CHRNA1: variants seen among roughly 807,000 people sequenced by gnomAD.
CHRNA1 encodes the protein acetylcholine receptor subunit alpha.
In CHRNA1, 35 loss-of-function variants were observed where a neutral mutation model predicts 47.1. That is an observed-to-expected ratio of 0.74 (90% CI 0.57 to 0.99). CHRNA1 has a LOEUF of 0.99. Among genes scored for constraint, CHRNA1 ranks in the 50% least tolerant of loss-of-function variants. The pLI, the probability that CHRNA1 is intolerant of heterozygous loss-of-function variation, is 0.00. For synonymous variants in CHRNA1, 229 were observed against 223.6 expected (o/e 1.02, Z -0.22); for missense variants, 506 against 591.1 (o/e 0.86, Z 1.49).
intron 6 of CHRNA1, 107 bp from the exon 7 acceptor site, chr2:174,750,276 G>A (rs1385395765): frequency 9.6e-6 from 8 of 835,700 alleles, no homozygotes; most frequent in Non-Finnish European, 1.6e-5. Context: ...TGAGTCCTGG[G>A]ACCTAAGAAT....
intron 6 of CHRNA1, among the ~76,000 whole-genome samples, chr2:174,751,557 A>G (rs1036979354): frequency 2.0e-5 from 3 of 152,186 alleles, no homozygotes; most frequent in African/African-American, 7.2e-5. Context: ...AATACAAAAT[A>G]TTTGTCCACT....
In CHRNA1 at chr2:174,758,589, T is replaced by C. The variant is rs1290113870; in HGVS notation, c.234+742A>G. ...AGTTTAACTGGTAAGTATATGCAAA[T>C]ATTTCAAAATAAAAACCAAAATCTG... On this transcript the variant is annotated intron_variant, in intron 3 of 8. Transcript: ENST00000348749. Among the ~76,000 whole-genome samples, 3 of 151,974 alleles carry C rather than the reference T, an allele frequency of 2.0e-5. No individual in the cohort carries two copies. In the South Asian group the frequency reaches 6.3e-4, roughly 32 times the overall value.
In CHRNA1 at chr2:174,750,143, C is replaced by G. The variant is rs137852803; in HGVS notation, c.805G>C (p.Val269Leu). The G allele has an allele frequency of 4.4e-5, 71 of 1,608,632 alleles. No homozygotes were observed. The African/African-American group carries it at 7.9e-4, about 18-fold the overall frequency. ...SGEKMTLSIS[V>L]LLSLTVFLLV... ...AGGAACACAGTCAAAGACAGTAAGA[C>G]AGAGATGCTCAGAGTCATCTTCTCC... The change falls in exon 7 of 9, where the codon GTC becomes CTC. Residue 269 changes from valine to leucine, a missense_variant. Val to Leu is a conservative substitution (Grantham distance 32). Coordinates refer to ENST00000348749, the MANE Select transcript of CHRNA1 (RefSeq NM_000079.4).
At chr2:174,759,304 A>G (rs371913498) in intron 3 of CHRNA1, 27 bp downstream of exon 3, 11 of 1,612,474 alleles carry the variant, frequency 6.8e-6, no homozygotes, top group African/African-American at 1.3e-5. Context: ...TGAAAACGAC[A>G]CACATGCAAT....
chr2:174,749,319 T>C (rs962880669), intron 7 of CHRNA1, among the ~76,000 whole-genome samples: 1 of 152,010 alleles, frequency 6.6e-6, no homozygotes, highest in Non-Finnish European at 1.5e-5. Context: ...TACTCTCCTC[T>C]TAAAAGAGTA....
rs754957112 is a variant in CHRNA1 at position 174,763,328 on chromosome 2, G to GCACACACA, written c.43+1023_43+1024insTGTGTGTG. On this transcript the variant is annotated intron_variant, in intron 1 of 8. Transcript: ENST00000348749. Reference sequence around the variant, plus strand: ...CGTGCACGCATGTGTGTGCACGCGCGCGCACACACACACACACACACACAC... The same window carrying GCACACACA: ...CGTGCACGCATGTGTGTGCACGCGCGCACACACACGCACACACACACACACACACACAC... Among the ~76,000 whole-genome samples, 130 of 121,466 alleles carry GCACACACA rather than the reference G, an allele frequency of 1.1e-3. 2 individuals are homozygous for GCACACACA. In the Middle Eastern group the frequency reaches 0.012, roughly 12 times the overall value. The allele number at this position is 121,466 out of a possible 152,430, so 79.7% of individuals were successfully genotyped here.
At position 174,757,624 on chromosome 2, in the gene CHRNA1, T is replaced by C; in HGVS notation, c.286A>G (p.Lys96Glu). The C allele has an allele frequency of 6.2e-7, 1 of 1,614,192 alleles. No individual in the cohort carries two copies. The highest frequency in any genetic ancestry group is 8.5e-7 in the Non-Finnish European group (1 of 1,180,028). Residue 96 changes from lysine (K) to glutamate (E), a missense_variant, in exon 4 of 9, where the codon AAA (lysine) becomes GAA (glutamate). By Grantham distance (56) the Lys-to-Glu change is moderately conservative. Transcript: ENST00000348749. ...TTTTCTGAAGGAATGTGAATTTTTT[T>C]CACACCGCCATAGTCATCTGGATTC... Reference protein sequence around the residue: ...KWNPDDYGGVKKIHIPSEKIW... With the variant: ...KWNPDDYGGVEKIHIPSEKIW...
intron 4 of CHRNA1, among the ~76,000 whole-genome samples, chr2:174,756,761 A>G (rs948889002): frequency 6.6e-6 from 1 of 152,212 alleles, no homozygotes; most frequent in Admixed American, 6.5e-5. Flanking sequence ...TATCGTTTTC[A>G]TCCACTAGCC....
chr2:174,749,966 T>C lies in CHRNA1; in HGVS notation c.982A>G (p.Met328Val). The change falls in exon 7 of 9, where the codon ATG becomes GTG. Residue 328 changes from methionine (M) to valine (V), a missense_variant. By Grantham distance (21) the Met-to-Val change is conservative. Transcript: ENST00000348749. The stretch of plus-strand genomic sequence containing the variant: ...CTCACCTTCCGCACCCAGTTGGGCA[T>C]GACATGGGTGCTGGGTGAGCGGTGG... The part of the protein sequence containing the change: ...THHRSPSTHV[M>V]PNWVRKVFID... 1 of 1,614,100 alleles carries C rather than the reference T, an allele frequency of 6.2e-7. No homozygotes were observed. Among genetic ancestry groups the C allele is most frequent in the Non-Finnish European group, 8.5e-7 (1 of 1,179,996 alleles).
Position 174,748,071 on chromosome 2 carries a change from C to T in CHRNA1, c.*53G>A, listed in dbSNP as rs2105343627. On this transcript the variant is annotated 3_prime_UTR_variant, in exon 9 of 9. Coordinates refer to ENST00000348749, the MANE Select transcript of CHRNA1 (RefSeq NM_000079.4). ...AGTAGACAAATCTTCCTCTCCTGCC[C>T]TTCTCTGCTCTGGTAGGTTCCAGGG... The T allele has an allele frequency of 6.2e-7, 1 of 1,610,960 alleles. No homozygotes were observed. Among genetic ancestry groups the T allele is most frequent in the Admixed American group, 1.7e-5 (1 of 59,994 alleles).
In CHRNA1 at chr2:174,749,973, G is replaced by T; in HGVS notation, c.975C>A (p.Thr325=). 1.2e-6 allele frequency: 2 copies of T among 1,614,144 alleles called. No individual in the cohort carries two copies. Among genetic ancestry groups the T allele is most frequent in the Non-Finnish European group, 1.7e-6 (2 of 1,180,036 alleles). ...TCCGCACCCAGTTGGGCATGACATG[G>T]GTGCTGGGTGAGCGGTGGTGTGTGT... ...VINTHHRSPS[T]HVMPNWVRKV... The change falls in exon 7 of 9, where the codon ACC becomes ACA. Residue 325 remains threonine (T), a synonymous_variant. Coordinates refer to ENST00000348749, the MANE Select transcript of CHRNA1 (RefSeq NM_000079.4).
chr2:174,757,491 G>A (rs569212712), intron 4 of CHRNA1, 75 bp downstream of exon 4: 17 of 1,012,640 alleles, frequency 1.7e-5, no homozygotes, highest in South Asian at 7.7e-5. Context: ...CATTCCGAGC[G>A]CGCAGCCCTT....
intron 1 of CHRNA1, 113 bp from the exon 2 acceptor site, chr2:174,759,746 G>C: frequency 7.2e-7 from 1 of 1,384,964 alleles, no homozygotes. Flanking sequence ...CTAACAGAAG[G>C]CACACAGGCC....
intron 6 of CHRNA1, among the ~76,000 whole-genome samples, chr2:174,750,617 A>G (rs1327734131): frequency 6.6e-6 from 1 of 152,200 alleles, no homozygotes. Context: ...ACCCAAGGGT[A>G]AGAGGAATGT....
intron 5 of CHRNA1, among the ~76,000 whole-genome samples, chr2:174,753,993 C>A (rs186878357): frequency 6.6e-6 from 1 of 152,210 alleles, no homozygotes; most frequent in Non-Finnish European, 1.5e-5. Flanking sequence ...GATGCCCTAC[C>A]GCCACCCCAG....
chr2:174,759,026 G>A (rs183215606), intron 3 of CHRNA1, among the ~76,000 whole-genome samples: 1 of 152,162 alleles, frequency 6.6e-6, no homozygotes, highest in African/African-American at 2.4e-5. Context: ...GCCCTCAGAA[G>A]GAACCAACCC....
At chr2:174,752,592 C>A (rs1205355158) in intron 6 of CHRNA1, among the ~76,000 whole-genome samples, 2 of 152,012 alleles carry the variant, frequency 1.3e-5, no homozygotes, top group African/African-American at 4.8e-5. Context: ...AAAATGAAAC[C>A]CCAAATGCAG....
At chr2:174,764,327 C>T (rs571536834) in intron 1 of CHRNA1, 25 bp downstream of exon 1, 1 of 1,610,832 alleles carries the variant, frequency 6.2e-7, no homozygotes, top group African/African-American at 1.3e-5. Context: ...AGAGCCCTCT[C>T]CCCACCCCTG....
intron 4 of CHRNA1, among the ~76,000 whole-genome samples, chr2:174,755,518 C>G (rs1683963329): frequency 6.6e-6 from 1 of 151,412 alleles, no homozygotes; most frequent in South Asian, 2.1e-4. Context: ...CTCCTGGGTT[C>G]CCACCATTCT....
Sources: gnomAD v4.1 joint callset for allele counts (sites outside exome capture counted in the v4.1 genomes callset) on GRCh38, gnomAD v4.1.1 for gene constraint, MANE v1.5 for transcripts, NCBI Gene and HGNC (gene_info 2026-07-23, HGNC 2026-07-21) for gene names.